ZNF76: variants seen among roughly 807,000 people sequenced by gnomAD.
The protein encoded by ZNF76 is zinc finger protein 76, also known as zinc finger protein 523.
A neutral mutation model predicts 66.9 loss-of-function variants in ZNF76; 66 were observed. The observed-to-expected ratio is 0.99, with a 90% CI of 0.81 to 1.21. The LOEUF (loss-of-function observed/expected upper bound fraction) is 1.21, where lower values mean the gene tolerates loss of function less well. ZNF76 is among the 50% of genes most tolerant of loss of function. The pLI is 0.00. For synonymous variants in ZNF76, 275 were observed against 296.1 expected (o/e 0.93, Z 0.73); for missense variants, 729 against 760.3 (o/e 0.96, Z 0.48).
intron 1 of ZNF76, among the ~76,000 whole-genome samples, chr6:35,264,404 T>C (rs1785696434): frequency 6.6e-6 from 1 of 152,218 alleles, no homozygotes; most frequent in East Asian, 1.9e-4. Context: ...GGGGCTGTCT[T>C]ATATAAATCT....
rs1790658718 is a variant in ZNF76 at position 35,293,033 on chromosome 6, G to A, written c.1318G>A (p.Gly440Ser). ...APQVALITQD[G>S]AQQVSLSPED... Reference sequence around the variant, plus strand: ...CCAGGTGGCTCTGATCACTCAGGATGGTGCCCAGCAGGTACAGGCCCTGGA... The same window carrying A: ...CCAGGTGGCTCTGATCACTCAGGATAGTGCCCAGCAGGTACAGGCCCTGGA... Residue 440 changes from glycine to serine, a missense_variant, in exon 11 of 14, where the codon GGT becomes AGT. By Grantham distance (56) the Gly-to-Ser change is moderately conservative. Transcript: ENST00000373953. 7 of 1,613,890 alleles carry A rather than the reference G, an allele frequency of 4.3e-6. No individual in the cohort carries two copies. The East Asian group carries it at 1.6e-4, about 36-fold the overall frequency.
Position 35,293,116 on chromosome 6 carries a change from C to T in ZNF76, c.1329+72C>T, listed in dbSNP as rs1790675734. 4 of 1,538,234 alleles carry T rather than the reference C, an allele frequency of 2.6e-6. No homozygotes were observed. The South Asian group carries it at 5.0e-5, about 19-fold the overall frequency. ...ACTCTCTCTGGGGACTCTGGGAGCC[C>T]TGAAGTTCTGACAGCCCCACTGCCA... On this transcript the variant is annotated intron_variant, in intron 11 of 13. Coordinates refer to ENST00000373953, the MANE Select transcript of ZNF76 (RefSeq NM_003427.5).
chr6:35,295,487 C>T lies in ZNF76; in HGVS notation c.*239C>T. The stretch of plus-strand genomic sequence containing the variant: ...TCGGGAGCTGACAACAGCCAGGCTA[C>T]ACCAGGGCACCCGCCTCTCAAAATC... On this transcript the variant is annotated 3_prime_UTR_variant, in exon 14 of 14. Transcript: ENST00000373953. 1 of 526,172 alleles carries T rather than the reference C, an allele frequency of 1.9e-6. No homozygotes were observed. The allele number at this position is 526,172 out of a possible 1,614,324, so 32.6% of individuals were successfully genotyped here.
chr6:35,288,616 G>A (rs970321319), intron 5 of ZNF76, among the ~76,000 whole-genome samples: 1 of 152,186 alleles, frequency 6.6e-6, no homozygotes, highest in Non-Finnish European at 1.5e-5. Flanking sequence ...AATGAAACCA[G>A]TGTGACTGAA....
intron 2 of ZNF76, among the ~76,000 whole-genome samples, chr6:35,284,179 C>T (rs192499758): frequency 3.3e-5 from 5 of 152,134 alleles, no homozygotes; most frequent in African/African-American, 1.2e-4. Flanking sequence ...GCAACCTTCG[C>T]CTCCCGGGTT....
Position 35,267,032 on chromosome 6 carries a change from T to C in ZNF76, c.-97+7191T>C, listed in dbSNP as rs573795941. ...ACCAGGATGGTCTCTATCTCCTGAC[T>C]TTGTGATCCGCCCGCCTTGGCCTCC... On this transcript the variant is annotated intron_variant, in intron 1 of 13. Transcript: ENST00000373953. Among the ~76,000 whole-genome samples the C allele has an allele frequency of 6.6e-4, 100 of 152,078 alleles. 1 individual carries two copies. The South Asian group carries it at 7.9e-3, about 12-fold the overall frequency.
intron 3 of ZNF76, 28 bp downstream of exon 3, chr6:35,286,236 T>C (rs1238334485): frequency 6.2e-7 from 1 of 1,613,762 alleles, no homozygotes; most frequent in Non-Finnish European, 8.5e-7. Context: ...CACCATGCCT[T>C]GTCGAGGGAA....
intron 1 of ZNF76, among the ~76,000 whole-genome samples, chr6:35,260,815 T>A (rs1785138887): frequency 1.3e-5 from 2 of 152,188 alleles, no homozygotes; most frequent in Non-Finnish European, 2.9e-5. Context: ...TCAGTCAAGA[T>A]AATAATTTTT....
intron 12 of ZNF76, 148 bp downstream of exon 12, chr6:35,294,063 C>A: frequency 1.1e-6 from 1 of 913,222 alleles, no homozygotes; most frequent in Non-Finnish European, 1.6e-6. Flanking sequence ...GTTCCTGGGC[C>A]ATGAGCAGCT....
intron 5 of ZNF76, chr6:35,288,287 G>A: frequency 2.7e-6 from 1 of 370,526 alleles, no homozygotes; most frequent in South Asian, 2.0e-5. Context: ...TCAGTCATTT[G>A]GAAAATTAAC....
At chr6:35,262,744 G>C (rs564209858) in intron 1 of ZNF76, among the ~76,000 whole-genome samples, 1 of 152,218 alleles carries the variant, frequency 6.6e-6, no homozygotes, top group South Asian at 2.1e-4. Flanking sequence ...CTCTTGATGT[G>C]ACTAGCTTCA....
intron 1 of ZNF76, among the ~76,000 whole-genome samples, chr6:35,273,345 G>C (rs142942588): frequency 6.7e-6 from 1 of 149,826 alleles, no homozygotes. Context: ...GCTAATTTTC[G>C]TATTTTTAGT....
In ZNF76 at chr6:35,294,458, C is replaced by G; in HGVS notation, c.1497C>G (p.Val499=). The G allele has an allele frequency of 6.2e-7, 1 of 1,611,504 alleles. No homozygotes were observed. Among genetic ancestry groups the G allele is most frequent in the Non-Finnish European group, 8.5e-7 (1 of 1,177,798 alleles). Residue 499 remains valine (V), a splice_region_variant and synonymous_variant, in exon 13 of 14, where the codon GTC becomes GTG. Transcript: ENST00000373953. ...VSADGTQTQP[V]TIITSGAVVA... is the part of the protein sequence containing the mutation. ...GAAGACCTCCTTTTGTCTTTCAGGTCACAATCATTACCTCTGGGGCTGTGG... is the reference window on the plus strand; with the variant it reads ...GAAGACCTCCTTTTGTCTTTCAGGTGACAATCATTACCTCTGGGGCTGTGG...
intron 1 of ZNF76, among the ~76,000 whole-genome samples, chr6:35,269,007 G>A (rs1378039780): frequency 5.9e-5 from 9 of 152,098 alleles, no homozygotes; most frequent in African/African-American, 1.9e-4. Context: ...CCAGCCGGGT[G>A]TGGTGGCTCA....
intron 7 of ZNF76, 23 bp downstream of exon 7, chr6:35,290,739 T>G (rs1315229418): frequency 6.2e-7 from 1 of 1,612,864 alleles, no homozygotes; most frequent in Admixed American, 1.7e-5. Context: ...GTGGGCTGCT[T>G]CCAGTTGAGG....
At chr6:35,288,234 T>G (rs1289463965) in intron 5 of ZNF76, 2 of 425,510 alleles carry the variant, frequency 4.7e-6, no homozygotes, top group Non-Finnish European at 9.4e-6. Context: ...TGTATTAGCT[T>G]TCTAGTCCAC....
chr6:35,281,018 C>G, intron 1 of ZNF76, 38 bp from the exon 2 acceptor site: 1 of 844,830 alleles, frequency 1.2e-6, no homozygotes. Flanking sequence ...TAGGAGAAAG[C>G]TGGTTAACTC....
intron 4 of ZNF76, among the ~76,000 whole-genome samples, chr6:35,286,973 T>C (rs1789658288): frequency 6.6e-6 from 1 of 151,980 alleles, no homozygotes; most frequent in African/African-American, 2.4e-5. Flanking sequence ...TCTGAGGTAG[T>C]GATGCTTGAG....
intron 2 of ZNF76, among the ~76,000 whole-genome samples, chr6:35,282,564 T>C (rs1413879852): frequency 6.6e-6 from 1 of 152,138 alleles, no homozygotes; most frequent in African/African-American, 2.4e-5. Context: ...CCAGATAGCA[T>C]TCGTGTCTTC....
Sources: gnomAD v4.1 joint callset for allele counts (sites outside exome capture counted in the v4.1 genomes callset) on GRCh38, gnomAD v4.1.1 for gene constraint, MANE v1.5 for transcripts, NCBI Gene and HGNC (gene_info 2026-07-23, HGNC 2026-07-21) for gene names.